SLC30A5: variants seen among roughly 807,000 people sequenced by gnomAD.
The protein encoded by SLC30A5 is proton-coupled zinc antiporter SLC30A5.
A neutral mutation model predicts 79.6 loss-of-function variants in SLC30A5; 33 were observed. The ratio of observed to expected loss-of-function variants is 0.41; its 90% CI spans 0.31 to 0.55. The LOEUF is 0.55. SLC30A5 is among the 20% of genes least tolerant of loss of function. The pLI is 0.20. For synonymous variants in SLC30A5, 299 were observed against 319.7 expected (o/e 0.94, Z 0.69); for missense variants, 788 against 928.1 (o/e 0.85, Z 1.96).
rs774797922 is a variant in SLC30A5, at chr5:69,116,466, C to A, written c.1145C>A (p.Thr382Lys). ...CTTATTGGATATTCTCCTGAAGGAA[C>A]ACCTCTTTATAACTTCATGGGTGAT... Reference protein sequence around the residue: ...GTLIGYSPEGTPLYNFMGDAF... With the variant: ...GTLIGYSPEGKPLYNFMGDAF... The change falls in exon 10 of 16, where the codon ACA (threonine) becomes AAA (lysine). Residue 382 changes from threonine (T) to lysine (K), a missense_variant. Thr to Lys is a moderately conservative substitution (Grantham distance 78). Coordinates refer to ENST00000396591, the MANE Select transcript of SLC30A5 (RefSeq NM_022902.5). The surrounding 1 kb of genome is among the most constrained non-coding windows in gnomAD (Gnocchi z 4.0). 6.2e-7 allele frequency: 1 copy of A among 1,612,908 alleles called. No individual in the cohort carries two copies. Among genetic ancestry groups the A allele is most frequent in the Non-Finnish European group, 8.5e-7 (1 of 1,179,514 alleles).
chr5:69,115,201 G>A, intron 7 of SLC30A5, 36 bp from the exon 8 acceptor site: 2 of 1,249,304 alleles, frequency 1.6e-6, no homozygotes, highest in Non-Finnish European at 2.3e-6. Flanking sequence ...TGAACTGTGT[G>A]TGTTTCTAAT....
chr5:69,118,404 A>G (rs1746445043), intron 11 of SLC30A5, 95 bp from the exon 12 acceptor site: 1 of 872,296 alleles, frequency 1.1e-6, no homozygotes, highest in African/African-American at 1.8e-5. Context: ...ATTACTTAGT[A>G]GTATGAAAAT....
chr5:69,121,622 TATA>T, intron 12 of SLC30A5, 69 bp from the exon 13 acceptor site: 1 of 1,047,036 alleles, frequency 9.6e-7, no homozygotes, highest in Admixed American at 2.7e-5. Context: ...TATATAGCTA[TATA>T]ATAACTTTTA....
At chr5:69,106,925 C>T (rs1313325841) in intron 4 of SLC30A5, among the ~76,000 whole-genome samples, 1 of 150,928 alleles carries the variant, frequency 6.6e-6, no homozygotes, top group Non-Finnish European at 1.5e-5. Context: ...GAGTATATGG[C>T]ACAGTCTTGG....
At chr5:69,104,184 C>T in intron 3 of SLC30A5, 1 of 1,069,896 alleles carries the variant, frequency 9.3e-7, no homozygotes, top group Non-Finnish European at 1.3e-6. Context: ...ATCGCCCAGG[C>T]TGCAGTGCAG....
rs185841328 is a variant in SLC30A5, at chr5:69,110,140, C to A, written c.447+1704C>A. Among the ~76,000 whole-genome samples the A allele has an allele frequency of 2.3e-3, 343 of 152,250 alleles. 2 individuals carry two copies. The highest frequency in any genetic ancestry group is 4.9e-3 in the Admixed American group (75 of 15,284). On this transcript the variant is annotated intron_variant, in intron 5 of 15. Transcript: ENST00000396591. The stretch of plus-strand genomic sequence containing the variant: ...ACTCCTCTACACTCCCTTGTATCTA[C>A]GCCTTAAGCTTTTAGGCTTCTGATA...
rs570960589 is a variant in SLC30A5 at position 69,111,593 on chromosome 5, C to A, written c.448-1547C>A. ...TGCTGGGATTACAGGCGTGAGCCAC[C>A]ACGCCTGGCCTTTTTTTCTTAATTA... On this transcript the variant is annotated intron_variant, in intron 5 of 15. Coordinates refer to ENST00000396591, the MANE Select transcript of SLC30A5 (RefSeq NM_022902.5). 3.3e-5 allele frequency among the ~76,000 whole-genome samples: 5 copies of A among 152,230 alleles called. No individual in the cohort carries two copies. The South Asian group carries it at 1.0e-3, about 32-fold the overall frequency.
chr5:69,127,020 T>C (rs1004773794), intron 14 of SLC30A5, among the ~76,000 whole-genome samples: 1 of 152,156 alleles, frequency 6.6e-6, no homozygotes, highest in Non-Finnish European at 1.5e-5. Context: ...AAAACTTTCG[T>C]AATGTTTTAT....
intron 12 of SLC30A5, 66 bp downstream of exon 12, chr5:69,118,694 TTTAA>T (rs1270817585): frequency 5.3e-5 from 73 of 1,376,442 alleles, no homozygotes; most frequent in Non-Finnish European, 7.0e-5. Flanking sequence ...TATCCTAAAG[TTTAA>T]TTGTTTGCAG....
chr5:69,127,935 G>A (rs1746746344), intron 14 of SLC30A5, 69 bp from the exon 15 acceptor site: 2 of 1,329,036 alleles, frequency 1.5e-6, no homozygotes, highest in African/African-American at 1.5e-5. Context: ...CTTTCTGTCA[G>A]AAAGCATCTC....
chr5:69,104,627 A>G lies in SLC30A5; in HGVS notation c.274-4A>G. The G allele has an allele frequency of 6.6e-7, 1 of 1,524,134 alleles. No individual in the cohort carries two copies. The highest frequency in any genetic ancestry group is 8.8e-7 in the Non-Finnish European group (1 of 1,134,266). 94.4% of individuals were successfully genotyped at this position (1,524,134 alleles called of 1,614,324 possible). ...ATTTTTAATTTTTTTGTTTCCATTT[A>G]TAGTGGATCAAAATATTTAAACATG... On this transcript the variant is annotated splice_region_variant and splice_polypyrimidine_tract_variant and intron_variant, in intron 3 of 15. Coordinates refer to ENST00000396591, the MANE Select transcript of SLC30A5 (RefSeq NM_022902.5).
chr5:69,123,409 A>G lies in SLC30A5; in HGVS notation c.1982A>G (p.His661Arg), dbSNP rs1746589585. ...RLPPEYEKELHIALEKIQKIE... is the reference protein window; with the variant it reads ...RLPPEYEKELRIALEKIQKIE... Reference sequence around the variant, plus strand: ...CCACCAGAATATGAAAAAGAACTACATATTGCTTTAGAAAAGGTACTGTAT... The same window carrying G: ...CCACCAGAATATGAAAAAGAACTACGTATTGCTTTAGAAAAGGTACTGTAT... The change falls in exon 14 of 16, where the codon CAT becomes CGT. Residue 661 changes from histidine to arginine, a missense_variant. Coordinates refer to ENST00000396591, the MANE Select transcript of SLC30A5 (RefSeq NM_022902.5). 3.1e-6 allele frequency: 5 copies of G among 1,612,950 alleles called. 1 individual carries two copies. In the East Asian group the frequency reaches 6.7e-5, roughly 22 times the overall value.
At chr5:69,114,806 A>G (rs1283731466) in intron 7 of SLC30A5, among the ~76,000 whole-genome samples, 1 of 152,236 alleles carries the variant, frequency 6.6e-6, no homozygotes, top group Non-Finnish European at 1.5e-5. Context: ...CCGAGGTTGC[A>G]GTGAGCCAAG....
chr5:69,110,723 A>AGT (rs1425756092), intron 5 of SLC30A5, among the ~76,000 whole-genome samples: 1 of 152,236 alleles, frequency 6.6e-6, no homozygotes, highest in African/African-American at 2.4e-5. Context: ...AACAGAAATC[A>AGT]GTGTGTATAC....
At chr5:69,104,229 C>G (rs1054150680) in intron 3 of SLC30A5, 3 of 710,330 alleles carry the variant, frequency 4.2e-6, no homozygotes, top group Non-Finnish European at 6.0e-6. Flanking sequence ...CCTCTGCCTC[C>G]CGGGTTCAAG....
chr5:69,097,113 T>C (rs189850584), intron 1 of SLC30A5, among the ~76,000 whole-genome samples: 67 of 76,424 alleles, frequency 8.8e-4, no homozygotes, highest in African/African-American at 2.6e-3. Context: ...CTTTTTCTTT[T>C]TTTTTTTTTT....
chr5:69,129,535 G>A lies in SLC30A5; in HGVS notation c.2216G>A (p.Ser739Asn). Residue 739 changes from serine to asparagine, a missense_variant, in exon 16 of 16, where the codon AGT becomes AAT. Physicochemically the swap from Ser to Asn is conservative, Grantham distance 46. This residue lies in a region of SLC30A5 where 158 missense variants were observed against 156.2 expected (regional missense o/e 1.01). Transcript: ENST00000396591. ...EAYFQHMSGL[S>N]TGFHDVLAMT... ...TACTTTCAACATATGTCTGGCCTAA[G>A]TACTGGATTTCATGATGTTCTGGCT... 2 of 1,613,648 alleles carry A rather than the reference G, an allele frequency of 1.2e-6. No homozygotes were observed. The highest frequency in any genetic ancestry group is 1.7e-4 in the Middle Eastern group (1 of 5,996).
chr5:69,094,290 GC>G lies in SLC30A5; in HGVS notation c.39del (p.Gly14AlafsTer16). The G allele has an allele frequency of 2.4e-6, 3 of 1,261,952 alleles. No homozygotes were observed. The highest frequency in any genetic ancestry group is 3.0e-6 in the Non-Finnish European group (3 of 997,444). 78.2% of individuals were successfully genotyped at this position (1,261,952 alleles called of 1,614,324 possible). On this transcript the variant is annotated frameshift_variant, in exon 1 of 16. Transcript: ENST00000396591. LOFTEE classifies it high-confidence loss of function. ...EEKYGGDVLA[G>X]PGGGGGLGPV... The stretch of plus-strand genomic sequence containing the variant: ...AAATACGGCGGGGACGTGCTGGCCG[GC>G]CCCGGCGGCGGCGGCGGCCTTGGGC...
At position 69,116,482 on chromosome 5, in the gene SLC30A5, C is replaced by T; in HGVS notation, c.1161C>T (p.Phe387=). The T allele has an allele frequency of 6.2e-7, 1 of 1,612,528 alleles. No homozygotes were observed. The highest frequency in any genetic ancestry group is 8.5e-7 in the Non-Finnish European group (1 of 1,179,446). ...YSPEGTPLYN[F]MGDAFQHSSQ... The stretch of plus-strand genomic sequence containing the variant: ...CTGAAGGAACACCTCTTTATAACTT[C>T]ATGGGTGATGCTTTTCAGCATAGCT... The change falls in exon 10 of 16, where the codon TTC becomes TTT. Residue 387 remains phenylalanine (F), a synonymous_variant. Transcript: ENST00000396591. This position sits in a 1 kb window ranked among gnomAD's most constrained non-coding sequence, Gnocchi z 4.0.
Sources: gnomAD v4.1 joint callset for allele counts (sites outside exome capture counted in the v4.1 genomes callset) on GRCh38, gnomAD v4.1.1 for gene constraint, gnomAD v4.1.1 regional missense constraint, Gnocchi (gnomAD v3.1) non-coding constraint, MANE v1.5 for transcripts, NCBI Gene and HGNC (gene_info 2026-07-23, HGNC 2026-07-21) for gene names.